The following CIT variants were observed in gnomAD, a reference collection of about 807,000 sequenced individuals.
CIT encodes the protein citron Rho-interacting kinase.
Under a neutral mutation model 272.7 loss-of-function variants are expected in CIT, and 79 were observed. The observed-to-expected ratio is 0.29, with a 90% confidence interval of 0.24 to 0.35. The LOEUF (loss-of-function observed/expected upper bound fraction) is 0.35, where lower values mean the gene tolerates loss of function less well. Ranked by LOEUF, CIT falls within the 10% of genes least tolerant of loss-of-function variation. CIT has a pLI of 1.00. For missense variants in CIT, 1,909 were observed against 2,618.3 expected, an observed-to-expected ratio of 0.73 and a Z score of 5.91; for synonymous variants, 948 against 995.6, an observed-to-expected ratio of 0.95 and a Z score of 0.90.
rs756727782 is a variant in CIT, at chr12:119,770,905, G to A, written c.2088C>T (p.Arg696=). The A allele has an allele frequency of 6.2e-7, 1 of 1,612,722 alleles. No individual in the cohort carries two copies. The highest frequency in any genetic ancestry group is 1.7e-5 in the Admixed American group (1 of 60,006). The change falls in exon 18 of 48, where the codon CGC becomes CGT. Residue 696 remains arginine (R), a synonymous_variant. Coordinates refer to ENST00000392521, the MANE Select transcript of CIT (RefSeq NM_001206999.2). The surrounding 1 kb of genome is among the most constrained non-coding windows in gnomAD (Gnocchi z 4.4). ...IRKKLVEAEE[R]RHSLENKVKR... is the part of the protein sequence containing the mutation. Reference sequence around the variant, plus strand: ...TTACCTTGTTCTCCAGAGAATGGCGGCGTTCCTGTAGATCATGAATCAATC... The same window carrying A: ...TTACCTTGTTCTCCAGAGAATGGCGACGTTCCTGTAGATCATGAATCAATC...
Position 119,694,576 on chromosome 12 carries a change from G to A in CIT, c.5882+3083C>T, listed in dbSNP as rs182270950. ...CCCAGCACTTTGGGGGGCCAGGGCAGGCAAATTGCTTGAGCCCAGGAGTTC... is the reference window on the plus strand; with the variant it reads ...CCCAGCACTTTGGGGGGCCAGGGCAAGCAAATTGCTTGAGCCCAGGAGTTC... On this transcript the variant is annotated intron_variant, in intron 46 of 47. Transcript: ENST00000392521. This position sits in a 1 kb window ranked among gnomAD's most constrained non-coding sequence, Gnocchi z 4.5. Among the ~76,000 whole-genome samples, 14 of 152,304 alleles carry A rather than the reference G, an allele frequency of 9.2e-5. 2 individuals are homozygous for A. Among genetic ancestry groups the A allele is most frequent in the African/African-American group, 2.9e-4 (12 of 41,564 alleles).
chr12:119,852,284 G>A (rs747941952), intron 4 of CIT, among the ~76,000 whole-genome samples: 3 of 152,062 alleles, frequency 2.0e-5, no homozygotes, highest in African/African-American at 4.8e-5. Flanking sequence ...CAAAATAACT[G>A]GCCTATAATC....
At position 119,833,535 on chromosome 12, in the gene CIT, C is replaced by T. The variant is rs560147950; in HGVS notation, c.659+551G>A. On this transcript the variant is annotated intron_variant, in intron 6 of 47. Coordinates refer to ENST00000392521, the MANE Select transcript of CIT (RefSeq NM_001206999.2). Reference sequence around the variant, plus strand: ...CAAAAATTAGCTGGGCATGGCGGTGCGTGCCTGTAATTCCAGCTACTTGGG... The same window carrying T: ...CAAAAATTAGCTGGGCATGGCGGTGTGTGCCTGTAATTCCAGCTACTTGGG... 5.9e-5 allele frequency among the ~76,000 whole-genome samples: 9 copies of T among 151,908 alleles called. No homozygotes were observed. In the South Asian group the frequency reaches 1.5e-3, roughly 25 times the overall value.
intron 23 of CIT, among the ~76,000 whole-genome samples, chr12:119,745,694 A>G (rs1271106028): frequency 6.6e-6 from 1 of 152,170 alleles, no homozygotes; most frequent in Non-Finnish European, 1.5e-5. Context: ...AGAAAAGATA[A>G]ATGTTTGAGG....
rs576071667 is a variant in CIT, at chr12:119,693,494, A to G, written c.5883-3040T>C. Among the ~76,000 whole-genome samples the G allele has an allele frequency of 6.6e-5, 10 of 152,340 alleles. No homozygotes were observed. The East Asian group carries it at 1.9e-3, about 29-fold the overall frequency. On this transcript the variant is annotated intron_variant, in intron 46 of 47. Transcript: ENST00000392521. Reference sequence around the variant, plus strand: ...TCGCACAGTAAGCAACTCCTTTGAGAGACTATATAATCTCAAAAGCAAGGT... The same window carrying G: ...TCGCACAGTAAGCAACTCCTTTGAGGGACTATATAATCTCAAAAGCAAGGT...
intron 7 of CIT, among the ~76,000 whole-genome samples, chr12:119,828,974 G>A (rs1215580827): frequency 2.3e-5 from 3 of 128,068 alleles, no homozygotes; most frequent in South Asian, 6.2e-4. Context: ...TTGGGAGAAA[G>A]GGGGAGAAGG....
At chr12:119,863,114 A>T (rs531913561) in intron 3 of CIT, among the ~76,000 whole-genome samples, 15 of 148,576 alleles carry the variant, frequency 1.0e-4, no homozygotes, top group Non-Finnish European at 2.1e-4. Context: ...AGGCAAGAGA[A>T]TCACTTGAAC....
intron 19 of CIT, among the ~76,000 whole-genome samples, chr12:119,766,242 G>GA (rs35120695): frequency 8.6e-5 from 13 of 150,952 alleles, no homozygotes; most frequent in East Asian, 2.0e-4. Flanking sequence ...AAGTTGAAGG[G>GA]AAAAAAAAAA....
At chr12:119,828,988 A>G (rs976628511) in intron 7 of CIT, among the ~76,000 whole-genome samples, 12 of 96,912 alleles carry the variant, frequency 1.2e-4, no homozygotes, top group East Asian at 1.3e-3. Flanking sequence ...GAGAAGGAAA[A>G]GAAAGGAAGG....
chr12:119,797,285 A>G (rs1364817163), intron 10 of CIT, among the ~76,000 whole-genome samples: 2 of 152,238 alleles, frequency 1.3e-5, no homozygotes, highest in African/African-American at 4.8e-5. Context: ...GATTTCCTAA[A>G]GGTATCTTTA....
intron 10 of CIT, among the ~76,000 whole-genome samples, chr12:119,797,921 A>G (rs1423664752): frequency 1.3e-5 from 2 of 152,228 alleles, no homozygotes; most frequent in African/African-American, 2.4e-5. Context: ...AGCCATAAGA[A>G]TGATTTAGAT....
intron 2 of CIT, among the ~76,000 whole-genome samples, chr12:119,871,793 G>A (rs1297717557): frequency 6.6e-6 from 1 of 152,202 alleles, no homozygotes; most frequent in Non-Finnish European, 1.5e-5. Flanking sequence ...AGAAGTAAAG[G>A]CTGCAGTGAG....
At chr12:119,825,937 G>C (rs539408008) in intron 7 of CIT, among the ~76,000 whole-genome samples, 1 of 152,134 alleles carries the variant, frequency 6.6e-6, no homozygotes, top group Non-Finnish European at 1.5e-5. Context: ...GTGTGGTGGT[G>C]CACACCTGTG....
In CIT at chr12:119,687,230, T is replaced by C. The variant is rs1419590866; in HGVS notation, c.*1002A>G. 6.6e-6 allele frequency: 1 copy of C among 152,548 alleles called. No individual in the cohort carries two copies. The highest frequency in any genetic ancestry group is 2.4e-5 in the African/African-American group (1 of 41,444). The allele number at this position is 152,548 out of a possible 1,614,324, so 9.4% of individuals were successfully genotyped here. On this transcript the variant is annotated 3_prime_UTR_variant, in exon 48 of 48. Coordinates refer to ENST00000392521, the MANE Select transcript of CIT (RefSeq NM_001206999.2). ...CAGAGCAACCCAAGGGGGCAGCACATGCAGTGAACTGCCATGCAGAACTCC... is the reference window on the plus strand; with the variant it reads ...CAGAGCAACCCAAGGGGGCAGCACACGCAGTGAACTGCCATGCAGAACTCC...
At chr12:119,752,021 A>T in intron 23 of CIT, 29 bp downstream of exon 23, 3 of 1,594,746 alleles carry the variant, frequency 1.9e-6, no homozygotes, top group Non-Finnish European at 2.6e-6. Flanking sequence ...GGCCTTTAGC[A>T]ACCTGAAGAT....
chr12:119,794,193 C>G (rs1035041058), intron 10 of CIT, among the ~76,000 whole-genome samples: 4 of 152,154 alleles, frequency 2.6e-5, no homozygotes, highest in Admixed American at 6.5e-5. Context: ...CCACCAAATG[C>G]TAGCTTCTTG....
In CIT at chr12:119,758,514, CAGA is replaced by C. The variant is rs1195930998; in HGVS notation, c.2531+74_2531+76del. Reference sequence around the variant, plus strand: ...TTCAATCCACTCCAGCTCCATCAAACAGAAGAAGGGAGTTTATGCCACAGGAGA... The same window carrying C: ...TTCAATCCACTCCAGCTCCATCAAACAGAAGGGAGTTTATGCCACAGGAGA... On this transcript the variant is annotated intron_variant, in intron 21 of 47. Transcript: ENST00000392521. The C allele has an allele frequency of 4.4e-6, 4 of 904,674 alleles. No homozygotes were observed. In the African/African-American group the frequency reaches 4.9e-5, roughly 11 times the overall value. The allele number at this position is 904,674 out of a possible 1,614,324, so 56.0% of individuals were successfully genotyped here.
chr12:119,714,525 G>C (rs189104916), intron 32 of CIT, among the ~76,000 whole-genome samples, 191 bp from the exon 33 acceptor site: 1 of 152,070 alleles, frequency 6.6e-6, no homozygotes, highest in African/African-American at 2.4e-5. Context: ...AATGGGCCAA[G>C]AATTTAAATA....
chr12:119,846,912 A>T (rs1215627007), intron 5 of CIT, among the ~76,000 whole-genome samples: 1 of 151,950 alleles, frequency 6.6e-6, no homozygotes, highest in Non-Finnish European at 1.5e-5. Context: ...AAAGAAAAAA[A>T]TACGTATCTA....
Sources: gnomAD v4.1 joint callset for allele counts (sites outside exome capture counted in the v4.1 genomes callset) on GRCh38, gnomAD v4.1.1 for gene constraint, Gnocchi (gnomAD v3.1) non-coding constraint, MANE v1.5 for transcripts, NCBI Gene and HGNC (gene_info 2026-07-23, HGNC 2026-07-21) for gene names.